SKAP2: variants seen among roughly 807,000 people sequenced by gnomAD.
SKAP2 encodes the protein src kinase associated phosphoprotein 2, also known as src kinase-associated phosphoprotein 2.
A neutral mutation model predicts 54.9 loss-of-function variants in SKAP2; 28 were observed. That is an observed-to-expected ratio of 0.51 (90% CI 0.38 to 0.70). The LOEUF is 0.70. Among genes scored for constraint, SKAP2 ranks in the 30% least tolerant of loss-of-function variants. The probability of loss-of-function intolerance (pLI) is 0.00; values close to 1 mark genes in which losing one functional copy is unlikely to be tolerated. For missense variants in SKAP2, 356 were observed against 424.1 expected (o/e 0.84, Z 1.41); for synonymous variants, 137 against 134.3 (o/e 1.02, Z -0.14).
At chr7:26,805,345 T>C (rs1784004197) in intron 4 of SKAP2, among the ~76,000 whole-genome samples, 1 of 152,226 alleles carries the variant, frequency 6.6e-6, no homozygotes. Flanking sequence ...TAATCAGGTA[T>C]GCTGATTTTA....
At chr7:26,674,323 T>C (rs1195083301) in intron 11 of SKAP2, among the ~76,000 whole-genome samples, 2 of 152,160 alleles carry the variant, frequency 1.3e-5, no homozygotes, top group East Asian at 3.8e-4. Flanking sequence ...GATATCTTTA[T>C]TCATAAACAC....
At chr7:26,730,798 A>G (rs1212369230) in intron 6 of SKAP2, among the ~76,000 whole-genome samples, 1 of 152,238 alleles carries the variant, frequency 6.6e-6, no homozygotes, top group Non-Finnish European at 1.5e-5. Context: ...AACAAAATGC[A>G]TAAGGCTAAT....
In SKAP2 at chr7:26,854,850, A is replaced by C; in HGVS notation, c.108T>G (p.Asn36Lys). Reference sequence around the variant, plus strand: ...TCTTTTCCTTTGCTTTCTTGGATAAATTTTCTCCTTTCAGTATATCTGCTA... The same window carrying C: ...TCTTTTCCTTTGCTTTCTTGGATAACTTTTCTCCTTTCAGTATATCTGCTA... ...TFVADILKGE[N>K]LSKKAKEKRE... The change falls in exon 2 of 13, where the codon AAT (asparagine) becomes AAG (lysine). Residue 36 changes from asparagine to lysine, a missense_variant. Transcript: ENST00000345317. The C allele has an allele frequency of 6.3e-7, 1 of 1,599,794 alleles. No individual in the cohort carries two copies. Among genetic ancestry groups the C allele is most frequent in the Non-Finnish European group, 8.5e-7 (1 of 1,170,682 alleles).
chr7:26,797,188 A>G (rs982795271), intron 4 of SKAP2, among the ~76,000 whole-genome samples: 7 of 152,210 alleles, frequency 4.6e-5, no homozygotes, highest in African/African-American at 1.4e-4. Context: ...CTAATTGTAG[A>G]GCCCCAGGGC....
chr7:26,716,317 G>A (rs1787437789), intron 9 of SKAP2, among the ~76,000 whole-genome samples: 1 of 150,642 alleles, frequency 6.6e-6, no homozygotes, highest in Non-Finnish European at 1.5e-5. Context: ...ATAGTTAGAT[G>A]AATTTGAGCT....
At chr7:26,754,400 G>T (rs1223663181) in intron 4 of SKAP2, among the ~76,000 whole-genome samples, 1 of 135,306 alleles carries the variant, frequency 7.4e-6, no homozygotes, top group Non-Finnish European at 1.6e-5. Context: ...TTCAAGATGT[G>T]AAAAAAAAAA....
At chr7:26,806,674 A>G (rs1445537293) in intron 4 of SKAP2, among the ~76,000 whole-genome samples, 1 of 152,226 alleles carries the variant, frequency 6.6e-6, no homozygotes, top group South Asian at 2.1e-4. Context: ...TAGTGAATAC[A>G]CAAATGGTAA....
rs1584422565 is a variant in SKAP2 at position 26,843,996 on chromosome 7, G to A, written c.307+34C>T. On this transcript the variant is annotated intron_variant, in intron 4 of 12. Transcript: ENST00000345317. ...CCATATATATAGCATTGTTTTGTGT[G>A]AGTGTCAGAGTTACGTGGGAAAATG... The A allele has an allele frequency of 4.0e-6, 5 of 1,265,576 alleles. No individual in the cohort carries two copies. The East Asian group carries it at 9.3e-5, about 23-fold the overall frequency. The allele number at this position is 1,265,576 out of a possible 1,614,324, so 78.4% of individuals were successfully genotyped here.
At chr7:26,705,153 T>C (rs150418205) in intron 9 of SKAP2, among the ~76,000 whole-genome samples, 208 of 152,342 alleles carry the variant, frequency 1.4e-3, no homozygotes, top group African/African-American at 4.7e-3. Context: ...TATTTTCCAG[T>C]ATGACGAAAC....
intron 4 of SKAP2, among the ~76,000 whole-genome samples, chr7:26,760,417 A>G (rs1382199208): frequency 1.3e-5 from 2 of 152,136 alleles, no homozygotes; most frequent in Non-Finnish European, 2.9e-5. Context: ...TCCCTTATCT[A>G]TCGATGGGAA....
intron 4 of SKAP2, among the ~76,000 whole-genome samples, chr7:26,797,491 G>A (rs926901282): frequency 2.0e-5 from 3 of 152,200 alleles, no homozygotes; most frequent in Admixed American, 6.5e-5. Context: ...TTGGCTAGGG[G>A]TGCTCCCTAA....
intron 4 of SKAP2, among the ~76,000 whole-genome samples, chr7:26,786,036 C>T (rs944913227): frequency 4.6e-5 from 7 of 152,220 alleles, no homozygotes; most frequent in South Asian, 4.2e-4. Flanking sequence ...CCCTTCACCC[C>T]AAGAACTGAA....
chr7:26,864,342 C>T, intron 1 of SKAP2, 21 bp downstream of exon 1: 1 of 1,613,698 alleles, frequency 6.2e-7, no homozygotes, highest in South Asian at 1.1e-5. Context: ...ACAGCATTAT[C>T]GCCGCCTTCC....
At chr7:26,751,712 CT>C (rs1345240666) in intron 4 of SKAP2, among the ~76,000 whole-genome samples, 1 of 152,048 alleles carries the variant, frequency 6.6e-6, no homozygotes, top group African/African-American at 2.4e-5. Context: ...TTCCATAACT[CT>C]TTTTTCAATA....
intron 4 of SKAP2, among the ~76,000 whole-genome samples, chr7:26,791,526 C>T (rs970349300): frequency 6.6e-6 from 1 of 152,110 alleles, no homozygotes; most frequent in Non-Finnish European, 1.5e-5. Context: ...GGTTTTAGAA[C>T]CATAAACCAA....
intron 6 of SKAP2, among the ~76,000 whole-genome samples, chr7:26,732,091 C>T (rs1255475488): frequency 6.6e-6 from 1 of 152,190 alleles, no homozygotes; most frequent in Non-Finnish European, 1.5e-5. Context: ...CCAAGATTGT[C>T]AGGGATAGGG....
At chr7:26,835,133 T>A (rs1435764981) in intron 4 of SKAP2, among the ~76,000 whole-genome samples, 3 of 152,114 alleles carry the variant, frequency 2.0e-5, no homozygotes, top group African/African-American at 7.2e-5. Context: ...AGGCCTTCGA[T>A]AAAATTCAGC....
chr7:26,777,557 C>T (rs1783338887), intron 4 of SKAP2, among the ~76,000 whole-genome samples: 1 of 152,004 alleles, frequency 6.6e-6, no homozygotes, highest in Non-Finnish European at 1.5e-5. Flanking sequence ...CAATCTACAC[C>T]CCTAGGCAGT....
At chr7:26,692,016 G>A (rs1039223631) in intron 9 of SKAP2, among the ~76,000 whole-genome samples, 3 of 152,100 alleles carry the variant, frequency 2.0e-5, no homozygotes, top group African/African-American at 7.2e-5. Context: ...TATGCTTCAG[G>A]AATGGACATC....
Sources: gnomAD v4.1 joint callset for allele counts (sites outside exome capture counted in the v4.1 genomes callset) on GRCh38, gnomAD v4.1.1 for gene constraint, MANE v1.5 for transcripts, NCBI Gene and HGNC (gene_info 2026-07-23, HGNC 2026-07-21) for gene names.